SGCD: variants seen among roughly 807,000 people sequenced by gnomAD.
SGCD encodes the protein sarcoglycan delta.
A neutral mutation model predicts 36.6 loss-of-function variants in SGCD; 18 were observed. The observed-to-expected ratio is 0.49, with a 90% CI of 0.34 to 0.73. The LOEUF (loss-of-function observed/expected upper bound fraction) is 0.73, where lower values mean the gene tolerates loss of function less well. SGCD is among the 30% of genes least tolerant of loss of function. The pLI is 0.01. For synonymous variants in SGCD, 133 were observed against 130.6 expected (o/e 1.02, Z -0.12); for missense variants, 387 against 346.7 (o/e 1.12, Z -0.92).
At chr5:156,033,622 C>T (rs578146205) in intron 1 of SGCD, among the ~76,000 whole-genome samples, 30 of 152,280 alleles carry the variant, frequency 2.0e-4, no homozygotes, top group African/African-American at 7.2e-4. Flanking sequence ...GTTAAACTCT[C>T]CTCTTTAATG....
At chr5:155,830,450 C>A in the SGCD span, among the ~76,000 whole-genome samples, 6 of 152,156 alleles carry the variant, frequency 3.9e-5, no homozygotes, top group Admixed American at 1.3e-4. Flanking sequence ...CAAATGCAGT[C>A]ATTTTATGGG....
chr5:156,406,052 C>A (rs972922177), intron 3 of SGCD, among the ~76,000 whole-genome samples: 1 of 111,028 alleles, frequency 9.0e-6, no homozygotes, highest in Non-Finnish European at 1.8e-5. Flanking sequence ...GGGCATAAAT[C>A]CCTCTTTCAG....
intron 3 of SGCD, among the ~76,000 whole-genome samples, chr5:156,267,206 C>T (rs186281653): frequency 3.3e-5 from 5 of 152,254 alleles, no homozygotes; most frequent in Middle Eastern, 3.4e-3. Flanking sequence ...ACTTAATAAG[C>T]GATAGTTTCC....
At chr5:156,742,723 A>C (rs1165821585) in intron 7 of SGCD, among the ~76,000 whole-genome samples, 2 of 152,326 alleles carry the variant, frequency 1.3e-5, no homozygotes, top group South Asian at 4.1e-4. Context: ...AGTTCATGTC[A>C]GAAGGACTGA....
At chr5:156,300,857 T>C (rs1401441309) in intron 3 of SGCD, among the ~76,000 whole-genome samples, 2 of 152,090 alleles carry the variant, frequency 1.3e-5, no homozygotes, top group Admixed American at 1.3e-4. Context: ...CCCTTTATCA[T>C]TATATAATCT....
At chr5:155,879,871 A>G (rs1464589011) in intron 1 of SGCD, among the ~76,000 whole-genome samples, 1 of 152,168 alleles carries the variant, frequency 6.6e-6, no homozygotes, top group Non-Finnish European at 1.5e-5. Flanking sequence ...TGTTGTAGGC[A>G]TGGTGTAGTT....
In SGCD at chr5:156,353,417, A is replaced by G. The variant is rs1373726600; in HGVS notation, c.192+8740A>G. Among the ~76,000 whole-genome samples, 3 of 152,224 alleles carry G rather than the reference A, an allele frequency of 2.0e-5. No homozygotes were observed. In the East Asian group the frequency reaches 5.8e-4, roughly 29 times the overall value. On this transcript the variant is annotated intron_variant, in intron 3 of 8. Coordinates refer to ENST00000337851, the MANE Select transcript of SGCD (RefSeq NM_000337.6). ...TTTAATACAGACACTCGCTCTGTGTATCAACTACCTGCTACATTTTAATTA... is the reference window on the plus strand; with the variant it reads ...TTTAATACAGACACTCGCTCTGTGTGTCAACTACCTGCTACATTTTAATTA...
chr5:156,403,676 A>G (rs754809759), intron 3 of SGCD, among the ~76,000 whole-genome samples: 1 of 152,126 alleles, frequency 6.6e-6, no homozygotes, highest in African/African-American at 2.4e-5. Flanking sequence ...TTACTCTCAG[A>G]TAAATTCCCC....
intron 6 of SGCD, among the ~76,000 whole-genome samples, chr5:156,617,983 G>A (rs1417933098): frequency 1.3e-5 from 2 of 152,206 alleles, no homozygotes; most frequent in Non-Finnish European, 2.9e-5. Context: ...AAGTCACATG[G>A]ACATCACTTA....
At chr5:156,377,756 G>A (rs1041625284) in intron 3 of SGCD, among the ~76,000 whole-genome samples, 6 of 152,012 alleles carry the variant, frequency 3.9e-5, no homozygotes, top group Non-Finnish European at 8.8e-5. Flanking sequence ...CCCATTCTTG[G>A]CTATACCATT....
chr5:156,101,272 G>A (rs1297703047), intron 1 of SGCD, among the ~76,000 whole-genome samples: 1 of 152,182 alleles, frequency 6.6e-6, no homozygotes, highest in Non-Finnish European at 1.5e-5. Flanking sequence ...AAGTGCAAGA[G>A]CAGACAGTGG....
chr5:156,254,916 A>C (rs986826827), intron 3 of SGCD, among the ~76,000 whole-genome samples: 1 of 152,210 alleles, frequency 6.6e-6, no homozygotes, highest in African/African-American at 2.4e-5. Flanking sequence ...CAGATTGAGC[A>C]TCCCCAGTCT....
chr5:156,121,359 C>A (rs1762035814), intron 2 of SGCD, among the ~76,000 whole-genome samples: 1 of 152,112 alleles, frequency 6.6e-6, no homozygotes, highest in Non-Finnish European at 1.5e-5. Context: ...GTATTTTCAT[C>A]ATCTCTCTTT....
In SGCD at chr5:156,008,570, CT is replaced by C. The variant is rs577078307; in HGVS notation, c.-281-109306del. 3.3e-5 allele frequency among the ~76,000 whole-genome samples: 5 copies of C among 152,182 alleles called. No homozygotes were observed. The South Asian group carries it at 1.0e-3, about 32-fold the overall frequency. ...TTTTAATTCTTTGTAGAGATTAGGT[CT>C]TGCTGCGTTGCCCAGGCTGGTCTCA... On this transcript the variant is annotated intron_variant, in intron 1 of 9. Transcript: ENST00000517913.
chr5:156,461,655 G>A lies in SGCD; in HGVS notation c.193-46946G>A, dbSNP rs182146634. On this transcript the variant is annotated intron_variant, in intron 3 of 8. Coordinates refer to ENST00000337851, the MANE Select transcript of SGCD (RefSeq NM_000337.6). ...CTTTTTACTTATCAGGAAAGATAAG[G>A]ACTCTACTCTGGAGTTAATGTTGAT... Among the ~76,000 whole-genome samples the A allele has an allele frequency of 1.6e-3, 246 of 151,926 alleles. 1 individual carries two copies. The East Asian group carries it at 0.02, about 13-fold the overall frequency.
intron 3 of SGCD, among the ~76,000 whole-genome samples, chr5:156,347,565 T>C (rs1163856980): frequency 6.6e-6 from 1 of 152,118 alleles, no homozygotes; most frequent in African/African-American, 2.4e-5. Flanking sequence ...AAATAGAATT[T>C]ATTACTTTTC....
intron 3 of SGCD, among the ~76,000 whole-genome samples, chr5:156,238,496 C>A (rs760346166): frequency 2.6e-5 from 4 of 152,318 alleles, no homozygotes; most frequent in Admixed American, 2.6e-4. Flanking sequence ...GGCTGAACCT[C>A]TTGGTTCAAG....
upstream of SGCD, among the ~76,000 whole-genome samples, chr5:156,322,574 C>G (rs4235722): frequency 0.51 from 77,939 of 151,952 alleles, 20,378 homozygotes; most frequent in East Asian, 0.81. Flanking sequence ...TGTTGGGTCT[C>G]AGGGTTCAGG....
the SGCD span, among the ~76,000 whole-genome samples, chr5:155,737,808 GACT>G: frequency 6.6e-6 from 1 of 152,080 alleles, no homozygotes; most frequent in Admixed American, 6.5e-5. Flanking sequence ...TATTCCCTTT[GACT>G]TTGACCTCCA....
Sources: gnomAD v4.1 joint callset for allele counts (sites outside exome capture counted in the v4.1 genomes callset) on GRCh38, gnomAD v4.1.1 for gene constraint, MANE v1.5 for transcripts, NCBI Gene and HGNC (gene_info 2026-07-23, HGNC 2026-07-21) for gene names.